MARCHF1: variants seen among roughly 807,000 people sequenced by gnomAD.
MARCHF1 encodes E3 ubiquitin-protein ligase MARCHF1.
Under a neutral mutation model 54.2 loss-of-function variants are expected in MARCHF1, and 40 were observed. That is an observed-to-expected ratio of 0.74 (90% CI 0.57 to 0.96). The LOEUF (loss-of-function observed/expected upper bound fraction) is 0.96. MARCHF1 is among the 40% of genes least tolerant of loss of function. The probability of loss-of-function intolerance (pLI) is 0.00; values close to 1 mark genes in which losing one functional copy is unlikely to be tolerated. For synonymous variants in MARCHF1, 236 were observed against 236.3 expected (o/e 1.00, Z 0.01); for missense variants, 586 against 656.5 (o/e 0.89, Z 1.17).
At chr4:163,567,683 C>G (rs1308823180) in intron 8 of MARCHF1, among the ~76,000 whole-genome samples, 3 of 152,148 alleles carry the variant, frequency 2.0e-5, no homozygotes, top group African/African-American at 7.2e-5. Flanking sequence ...ATGTGCTTTT[C>G]ACCTTACACA....
chr4:163,993,898 A>T (rs1753013708), intron 2 of MARCHF1, among the ~76,000 whole-genome samples: 1 of 152,132 alleles, frequency 6.6e-6, no homozygotes. Context: ...AAATTTCTAT[A>T]TTCTATTTTA....
intron 7 of MARCHF1, among the ~76,000 whole-genome samples, chr4:163,595,999 GA>G: frequency 6.6e-6 from 1 of 151,716 alleles, no homozygotes; most frequent in East Asian, 1.9e-4. Flanking sequence ...TATTAGATAA[GA>G]AAGAAAAGGG....
chr4:164,204,773 G>A (rs1372782193), intron 1 of MARCHF1, among the ~76,000 whole-genome samples: 1 of 152,202 alleles, frequency 6.6e-6, no homozygotes, highest in Non-Finnish European at 1.5e-5. Flanking sequence ...CAAGTACTGA[G>A]AATTTTCTCA....
intron 4 of MARCHF1, among the ~76,000 whole-genome samples, chr4:163,839,351 A>G (rs1204156197): frequency 6.6e-6 from 1 of 152,084 alleles, no homozygotes; most frequent in Non-Finnish European, 1.5e-5. Flanking sequence ...AGACCAATCA[A>G]TTACACTCCT....
chr4:163,613,563 A>G lies in MARCHF1; in HGVS notation c.163-170T>C. ...GTTTGAGGTTGGTTTTGCAAAAGTA[A>G]AACTTATTTGAGGAACCTGGAACAG... On this transcript the variant is annotated intron_variant, in intron 5 of 9. Transcript: ENST00000514618. 2.0e-6 allele frequency: 3 copies of G among 1,530,244 alleles called. No homozygotes were observed. The South Asian group carries it at 4.0e-5, about 20-fold the overall frequency. 94.8% of individuals were successfully genotyped at this position (1,530,244 alleles called of 1,614,324 possible).
chr4:164,013,525 C>T (rs1047681283), intron 2 of MARCHF1, among the ~76,000 whole-genome samples: 8 of 151,802 alleles, frequency 5.3e-5, no homozygotes, highest in African/African-American at 1.2e-4. Context: ...ATATGAGTAG[C>T]CAAGTACAAG....
intron 8 of MARCHF1, among the ~76,000 whole-genome samples, chr4:163,577,000 C>A (rs1740062222): frequency 6.6e-6 from 1 of 151,822 alleles, no homozygotes; most frequent in Non-Finnish European, 1.5e-5. Context: ...AGTGTGTTTT[C>A]TTTTTTCCTT....
chr4:163,605,771 C>T (rs1400894413), intron 7 of MARCHF1, among the ~76,000 whole-genome samples: 2 of 152,090 alleles, frequency 1.3e-5, no homozygotes, highest in Non-Finnish European at 2.9e-5. Flanking sequence ...ATGGATGAAG[C>T]TGGAAACCAT....
In MARCHF1 at chr4:164,121,085, T is replaced by C. The variant is rs1165823605; in HGVS notation, c.-322-9423A>G. 5.3e-5 allele frequency among the ~76,000 whole-genome samples: 8 copies of C among 151,942 alleles called. No homozygotes were observed. In the East Asian group the frequency reaches 1.5e-3, roughly 29 times the overall value. ...AAGAAATTTACAAACCTTTAGCCAG[T>C]TGAAGAAAAAAGAGATAAGATTGAA... is the stretch of plus-strand genomic sequence containing the variant. On this transcript the variant is annotated intron_variant, in intron 1 of 9. Coordinates refer to ENST00000514618, the MANE Select transcript of MARCHF1 (RefSeq NM_001394959.1).
intron 1 of MARCHF1, among the ~76,000 whole-genome samples, chr4:164,265,725 ATTTTTT>A (rs1238605367): frequency 4.0e-5 from 6 of 151,842 alleles, no homozygotes; most frequent in African/African-American, 1.5e-4. Context: ...CCACTCTGAC[ATTTTTT>A]AGTTCCTGGA....
In MARCHF1 at chr4:164,274,664, T is replaced by C. The variant is rs1452170158; in HGVS notation, c.-323+109206A>G. Among the ~76,000 whole-genome samples the C allele has an allele frequency of 1.9e-3, 108 of 55,856 alleles. 13 individuals are homozygous for C. Among genetic ancestry groups the C allele is most frequent in the African/African-American group, 3.1e-3 (24 of 7,770 alleles). 36.6% of individuals were successfully genotyped at this position (55,856 alleles called of 152,430 possible). ...GATGTGTGCTTCAGGGTACACTTTT[T>C]TTTTTTTTTTTTTTTTTTTTTTTTT... On this transcript the variant is annotated intron_variant, in intron 1 of 9. Coordinates refer to ENST00000514618, the MANE Select transcript of MARCHF1 (RefSeq NM_001394959.1).
At chr4:163,792,022 G>C (rs2110941724) in intron 4 of MARCHF1, among the ~76,000 whole-genome samples, 1 of 152,230 alleles carries the variant, frequency 6.6e-6, no homozygotes, top group South Asian at 2.1e-4. Context: ...AATGGATCTG[G>C]TGCTGAAGCC....
chr4:164,309,254 CTGTGTGTGTGTGTG>C (rs10577361), intron 1 of MARCHF1, among the ~76,000 whole-genome samples: 4 of 147,848 alleles, frequency 2.7e-5, no homozygotes, highest in Non-Finnish European at 4.5e-5. Context: ...AATTTCTAAC[CTGTGTGTGTGTGTG>C]TGTGTGTGTG....
chr4:164,336,666 T>C (rs557874157), intron 1 of MARCHF1, among the ~76,000 whole-genome samples: 12 of 152,330 alleles, frequency 7.9e-5, no homozygotes, highest in African/African-American at 2.6e-4. Context: ...AAGCACTGCT[T>C]TTATTCTCAC....
At chr4:163,989,670 G>C (rs1364947182) in intron 2 of MARCHF1, among the ~76,000 whole-genome samples, 1 of 152,142 alleles carries the variant, frequency 6.6e-6, no homozygotes. Context: ...CTCTCTCAGT[G>C]AAGTAAATTC....
intron 1 of MARCHF1, among the ~76,000 whole-genome samples, chr4:164,147,687 G>T (rs1729796331): frequency 8.3e-6 from 1 of 120,868 alleles, no homozygotes; most frequent in African/African-American, 3.1e-5. Context: ...TGGGGGGAGG[G>T]GGGAGGGATA....
chr4:163,986,064 A>G (rs1054537395), intron 3 of MARCHF1, among the ~76,000 whole-genome samples: 18 of 151,954 alleles, frequency 1.2e-4, no homozygotes, highest in African/African-American at 3.4e-4. Context: ...TCGGCGGCCT[A>G]CAAGATTGAC....
At chr4:164,218,513 T>C (rs531706408) in intron 1 of MARCHF1, among the ~76,000 whole-genome samples, 1 of 152,102 alleles carries the variant, frequency 6.6e-6, no homozygotes, top group South Asian at 2.1e-4. Context: ...TAGAATACTA[T>C]GCAGCCATAA....
intron 4 of MARCHF1, among the ~76,000 whole-genome samples, chr4:163,843,787 A>AT (rs199995611): frequency 0.022 from 3,320 of 147,600 alleles, 95 homozygotes; most frequent in East Asian, 0.076. Flanking sequence ...GAGAATATCT[A>AT]TTTTTTTTTT....
Sources: allele counts gnomAD v4.1 joint callset (sites outside exome capture counted in the v4.1 genomes callset), GRCh38; gene constraint gnomAD v4.1.1; transcripts MANE v1.5; gene names NCBI Gene and HGNC (gene_info 2026-07-23, HGNC 2026-07-21).